Variants in CACNA2D3 observed in about 807,000 individuals in gnomAD.
The protein encoded by CACNA2D3 is calcium voltage-gated channel auxiliary subunit alpha2delta 3.
CACNA2D3 carries 60 observed loss-of-function variants against 160.6 expected under a neutral mutation model. That is an observed-to-expected ratio of 0.37 (90% CI 0.30 to 0.46). The LOEUF (loss-of-function observed/expected upper bound fraction) is 0.46, where lower values mean the gene tolerates loss of function less well. Among genes scored for constraint, CACNA2D3 ranks in the 20% least tolerant of loss-of-function variants. CACNA2D3 has a pLI of 1.00. For synonymous variants in CACNA2D3, 558 were observed against 492.9 expected (o/e 1.13, Z -1.75); for missense variants, 1,205 against 1,365.0 (o/e 0.88, Z 1.85).
chr3:54,871,505 GT>G, intron 17 of CACNA2D3, 33 bp from the exon 18 acceptor site: 1 of 1,554,252 alleles, frequency 6.4e-7, no homozygotes, highest in Non-Finnish European at 8.9e-7. Flanking sequence ...ACGGACTTTT[GT>G]TTTTCTTTTC....
intron 2 of CACNA2D3, among the ~76,000 whole-genome samples, chr3:54,128,627 TC>T (rs1380218523): frequency 6.6e-6 from 1 of 152,136 alleles, no homozygotes; most frequent in East Asian, 1.9e-4. Context: ...CCCCAGCACA[TC>T]TCCTCTGTCA....
chr3:54,637,305 A>T (rs2106835851), intron 10 of CACNA2D3, among the ~76,000 whole-genome samples: 1 of 151,862 alleles, frequency 6.6e-6, no homozygotes, highest in East Asian at 1.9e-4. Flanking sequence ...GTCACCAAGG[A>T]GGGAGTAGAC....
intron 2 of CACNA2D3, among the ~76,000 whole-genome samples, chr3:54,313,487 C>T (rs1247365909): frequency 6.6e-6 from 1 of 152,038 alleles, no homozygotes; most frequent in Non-Finnish European, 1.5e-5. Context: ...CCAGTTGTTG[C>T]CTGTCCCCGC....
At chr3:54,999,601 GT>G (rs1272671292) in intron 31 of CACNA2D3, among the ~76,000 whole-genome samples, 2 of 152,112 alleles carry the variant, frequency 1.3e-5, no homozygotes, top group African/African-American at 4.8e-5. Context: ...TAGGCCAGTT[GT>G]TTAGCCAAAG....
intron 35 of CACNA2D3, among the ~76,000 whole-genome samples, chr3:55,033,731 ATT>A (rs1703733574): frequency 1.7e-5 from 2 of 120,534 alleles, no homozygotes; most frequent in African/African-American, 3.0e-5. Context: ...TATTAAATAT[ATT>A]TTATATAATA....
chr3:54,299,538 G>A (rs1039866689), intron 2 of CACNA2D3, among the ~76,000 whole-genome samples: 4 of 152,170 alleles, frequency 2.6e-5, no homozygotes, highest in African/African-American at 7.2e-5. Context: ...AAGATGAATG[G>A]ATTAAAGGAA....
intron 2 of CACNA2D3, among the ~76,000 whole-genome samples, chr3:54,296,719 C>T (rs1463071458): frequency 6.6e-6 from 1 of 152,142 alleles, no homozygotes; most frequent in East Asian, 1.9e-4. Flanking sequence ...TTTCTTTGTA[C>T]ACGGGCCATT....
At chr3:54,568,510 C>T (rs1020472582) in intron 6 of CACNA2D3, among the ~76,000 whole-genome samples, 1 of 152,194 alleles carries the variant, frequency 6.6e-6, no homozygotes, top group African/African-American at 2.4e-5. Context: ...TGGAGCATTG[C>T]CTAGCCTCAC....
chr3:54,492,964 TAG>T, intron 4 of CACNA2D3, among the ~76,000 whole-genome samples: 3 of 152,244 alleles, frequency 2.0e-5, no homozygotes, highest in Middle Eastern at 6.8e-3. Context: ...GTCATTTTTG[TAG>T]TTTGTTTTAT....
At chr3:54,757,514 G>A (rs944152345) in intron 12 of CACNA2D3, among the ~76,000 whole-genome samples, 1 of 152,152 alleles carries the variant, frequency 6.6e-6, no homozygotes, top group African/African-American at 2.4e-5. Context: ...GAGAAAAGTG[G>A]CAATTAAAAC....
chr3:54,709,761 CA>C (rs1262619314), intron 11 of CACNA2D3, among the ~76,000 whole-genome samples: 1 of 152,054 alleles, frequency 6.6e-6, no homozygotes, highest in African/African-American at 2.4e-5. Context: ...CCTATCCATA[CA>C]AAAAAATTTG....
chr3:55,046,132 G>A (rs1704076030), intron 35 of CACNA2D3, among the ~76,000 whole-genome samples: 1 of 148,882 alleles, frequency 6.7e-6, no homozygotes, highest in African/African-American at 2.5e-5. Context: ...TTAAGTTTTA[G>A]GGCACATGTG....
chr3:54,450,147 C>A (rs541318849), intron 4 of CACNA2D3, among the ~76,000 whole-genome samples: 1 of 152,266 alleles, frequency 6.6e-6, no homozygotes, highest in Admixed American at 6.5e-5. Context: ...GTATTAATTT[C>A]CTAGGACCTT....
chr3:54,563,241 A>G (rs944025964), intron 6 of CACNA2D3, among the ~76,000 whole-genome samples: 6 of 152,200 alleles, frequency 3.9e-5, no homozygotes, highest in African/African-American at 1.2e-4. Flanking sequence ...CTTCTGAACA[A>G]GAGTTTGGCC....
intron 4 of CACNA2D3, among the ~76,000 whole-genome samples, chr3:54,461,725 C>T (rs926865006): frequency 6.6e-6 from 1 of 151,720 alleles, no homozygotes; most frequent in Non-Finnish European, 1.5e-5. Context: ...TTCAAAAAAC[C>T]AGCTCCTGGA....
chr3:54,491,502 C>T (rs1356898815), intron 4 of CACNA2D3, among the ~76,000 whole-genome samples: 1 of 152,136 alleles, frequency 6.6e-6, no homozygotes, highest in East Asian at 1.9e-4. Flanking sequence ...GGACCTCTGT[C>T]CAGGGATTCA....
intron 14 of CACNA2D3, among the ~76,000 whole-genome samples, chr3:54,834,907 G>A (rs1443134863): frequency 6.6e-6 from 1 of 150,676 alleles, no homozygotes; most frequent in Non-Finnish European, 1.5e-5. Context: ...CTTCTTTTGA[G>A]GGGGGCCTTG....
chr3:54,522,823 A>T (rs1315880792), intron 5 of CACNA2D3, among the ~76,000 whole-genome samples: 2 of 152,178 alleles, frequency 1.3e-5, no homozygotes, highest in Admixed American at 6.6e-5. Context: ...GTCAACTCTT[A>T]CAGGTCTCAT....
intron 17 of CACNA2D3, among the ~76,000 whole-genome samples, chr3:54,860,055 C>G (rs1559607374): frequency 2.0e-5 from 3 of 151,574 alleles, no homozygotes; most frequent in Non-Finnish European, 4.4e-5. Context: ...CCAAGGATCC[C>G]TCTGCTAAGG....
Sources: gnomAD v4.1 joint callset for allele counts (sites outside exome capture counted in the v4.1 genomes callset) on GRCh38, gnomAD v4.1.1 for gene constraint, MANE v1.5 for transcripts, NCBI Gene and HGNC (gene_info 2026-07-23, HGNC 2026-07-21) for gene names.